ADGRL2: variants seen among roughly 807,000 people sequenced by gnomAD.
ADGRL2 encodes adhesion G protein-coupled receptor L2.
ADGRL2 carries 44 observed loss-of-function variants against 157.4 expected under a neutral mutation model. That is an observed-to-expected ratio of 0.28 (90% CI 0.22 to 0.36). The LOEUF is 0.36. ADGRL2 is among the 10% of genes least tolerant of loss of function. ADGRL2 has a pLI of 1.00. For synonymous variants in ADGRL2, 585 were observed against 624.7 expected (o/e 0.94, Z 0.95); for missense variants, 1,510 against 1,768.9 (o/e 0.85, Z 2.63).
chr1:81,819,739 A>C (rs2149822176), intron 1 of ADGRL2, among the ~76,000 whole-genome samples: 1 of 152,250 alleles, frequency 6.6e-6, no homozygotes, highest in South Asian at 2.1e-4. Context: ...TTGCTAAAGA[A>C]TACTTTTGTC....
At chr1:81,504,681 C>T (rs554525189) in intron 2 of ADGRL2, among the ~76,000 whole-genome samples, 7 of 152,036 alleles carry the variant, frequency 4.6e-5, no homozygotes, top group Admixed American at 2.6e-4. Context: ...TGGAGAGGCC[C>T]GCTCTCACAC....
intron 1 of ADGRL2, among the ~76,000 whole-genome samples, chr1:81,727,812 A>AATATAT (rs139067507): frequency 5.3e-5 from 8 of 150,008 alleles, no homozygotes; most frequent in Admixed American, 2.7e-4. Context: ...GTGTGAATAA[A>AATATAT]ATATATATAT....
At chr1:81,830,109 T>C (rs1337082264) in intron 1 of ADGRL2, among the ~76,000 whole-genome samples, 1 of 152,246 alleles carries the variant, frequency 6.6e-6, no homozygotes, top group African/African-American at 2.4e-5. Context: ...GGTCATTTTC[T>C]TGCATATTTA....
intron 2 of ADGRL2, among the ~76,000 whole-genome samples, chr1:81,487,106 A>AAAG (rs1553169346): frequency 4.2e-4 from 60 of 144,068 alleles, no homozygotes; most frequent in Non-Finnish European, 6.5e-4. Context: ...AAAAAAAAAA[A>AAAG]AAAGAAAGTA....
chr1:81,755,368 CATT>C (rs2085652277), intron 1 of ADGRL2, among the ~76,000 whole-genome samples: 2 of 151,572 alleles, frequency 1.3e-5, no homozygotes, highest in Non-Finnish European at 2.9e-5. Flanking sequence ...TGCTAATTAT[CATT>C]ATCATTATTA....
Position 81,952,082 on chromosome 1 carries a change from T to C in ADGRL2, c.1734T>C (p.Asp578=), listed in dbSNP as rs141216171. Residue 578 remains aspartate (D), a synonymous_variant, in exon 9 of 24, where the codon GAT becomes GAC. Transcript: ENST00000686636. The stretch of plus-strand genomic sequence containing the variant: ...TGGAGCAGTTGGTGGACATCCTTGA[T>C]GCACAGCTGCAGGAACTGAAACCTA... ...RLMEQLVDIL[D]AQLQELKPSE... 2.0e-4 allele frequency: 318 copies of C among 1,613,586 alleles called. 4 individuals are homozygous for C. In the East Asian group the frequency reaches 6.1e-3, roughly 31 times the overall value.
At chr1:81,382,023 A>G (rs891344880) in intron 1 of ADGRL2, among the ~76,000 whole-genome samples, 3 of 152,188 alleles carry the variant, frequency 2.0e-5, no homozygotes, top group Non-Finnish European at 4.4e-5. Context: ...ATTTGTTCCA[A>G]TGTTTCACTA....
At chr1:81,721,695 G>A in intron 1 of ADGRL2, 1 of 1,325,034 alleles carries the variant, frequency 7.5e-7, no homozygotes. Context: ...TCCTGACCAT[G>A]GACCCCCCGC....
rs1321472393 is a variant in ADGRL2 at position 81,992,092 on chromosome 1, G to A, written c.*947G>A. The stretch of plus-strand genomic sequence containing the variant: ...CCTTGCACAAAAGTGATGAAATCTA[G>A]AAAAGATTGTGTGTCACCCCTGTTT... On this transcript the variant is annotated 3_prime_UTR_variant, in exon 24 of 24. Transcript: ENST00000686636. The A allele has an allele frequency of 1.3e-5, 2 of 152,556 alleles. No homozygotes were observed. Among genetic ancestry groups the A allele is most frequent in the Non-Finnish European group, 2.9e-5 (2 of 68,012 alleles). The allele number at this position is 152,556 out of a possible 1,614,324, so 9.5% of individuals were successfully genotyped here. A position where few individuals can be genotyped will look rare whatever the true frequency, so the allele number is the denominator to read the frequency against.
chr1:81,923,178 G>C (rs188236307), intron 3 of ADGRL2, among the ~76,000 whole-genome samples: 2 of 152,296 alleles, frequency 1.3e-5, no homozygotes, highest in East Asian at 1.9e-4. Context: ...AATAGAAAAG[G>C]ATTTGCATCA....
chr1:81,951,876 A>G, intron 8 of ADGRL2, 81 bp from the exon 9 acceptor site: 2 of 1,136,002 alleles, frequency 1.8e-6, no homozygotes, highest in South Asian at 1.8e-5. Context: ...TTTTTTCACC[A>G]CAATAAAGAT....
Position 81,993,444 on chromosome 1 carries a change from G to C in ADGRL2, c.*2299G>C, listed in dbSNP as rs1255752695. ...AATAAATTTTTTTAAAGGCAACACT[G>C]ATTATTCAGTTAGTCCTATTTCTTT... is the stretch of plus-strand genomic sequence containing the variant. On this transcript the variant is annotated 3_prime_UTR_variant, in exon 24 of 24. Coordinates refer to ENST00000686636, the MANE Select transcript of ADGRL2 (RefSeq NM_001366006.2). 6.6e-6 allele frequency among the ~76,000 whole-genome samples: 1 copy of C among 151,874 alleles called. No homozygotes were observed. The highest frequency in any genetic ancestry group is 1.5e-5 in the Non-Finnish European group (1 of 67,966).
At chr1:81,543,855 C>T (rs2079949144) in intron 2 of ADGRL2, among the ~76,000 whole-genome samples, 1 of 152,204 alleles carries the variant, frequency 6.6e-6, no homozygotes, top group Non-Finnish European at 1.5e-5. Context: ...CTCCTTTTGC[C>T]TGCTCAGCTT....
chr1:81,888,311 A>G (rs1375607420), intron 2 of ADGRL2, among the ~76,000 whole-genome samples: 1 of 152,236 alleles, frequency 6.6e-6, no homozygotes, highest in Non-Finnish European at 1.5e-5. Context: ...GAAATACTGG[A>G]ACAGCTTTCA....
rs142269631 is a variant in ADGRL2, at chr1:81,359,501, CT to C, written c.-302+52994del. 6.1e-3 allele frequency among the ~76,000 whole-genome samples: 929 copies of C among 152,106 alleles called. 6 individuals are homozygous for C. Among genetic ancestry groups the C allele is most frequent in the African/African-American group, 0.021 (868 of 41,536 alleles). ...AACAACTACATATAAGTAATGCCAA[CT>C]TGGTACTTACTTGGTATTCAGTATA... On this transcript the variant is annotated intron_variant, in intron 1 of 24. Transcript: ENST00000370721.
intron 1 of ADGRL2, among the ~76,000 whole-genome samples, chr1:81,747,913 T>G (rs1183990863): frequency 1.3e-5 from 2 of 152,110 alleles, no homozygotes; most frequent in Non-Finnish European, 2.9e-5. Flanking sequence ...AGACTAGGTG[T>G]AAGAAAGTAG....
At chr1:81,376,625 CTCT>C (rs1411076202) in intron 1 of ADGRL2, among the ~76,000 whole-genome samples, 1 of 151,276 alleles carries the variant, frequency 6.6e-6, no homozygotes, top group Non-Finnish European at 1.5e-5. Flanking sequence ...CTCTCCCTTT[CTCT>C]TCTTCTTTAT....
chr1:81,356,126 T>C (rs572821056), intron 1 of ADGRL2, among the ~76,000 whole-genome samples: 1 of 152,248 alleles, frequency 6.6e-6, no homozygotes, highest in Admixed American at 6.5e-5. Flanking sequence ...GGAGGACAAT[T>C]CTCAAATGTT....
At chr1:81,619,791 C>A (rs1487689604) in intron 3 of ADGRL2, among the ~76,000 whole-genome samples, 1 of 151,078 alleles carries the variant, frequency 6.6e-6, no homozygotes, top group Non-Finnish European at 1.5e-5. Context: ...CCTCATAATA[C>A]CAGGTTAGAC....
Sources: allele counts gnomAD v4.1 joint callset (sites outside exome capture counted in the v4.1 genomes callset), GRCh38; gene constraint gnomAD v4.1.1; transcripts MANE v1.5; gene names NCBI Gene and HGNC (gene_info 2026-07-23, HGNC 2026-07-21).